The following NBEAL1 variants were observed in gnomAD, a reference collection of about 807,000 sequenced individuals.
NBEAL1 encodes the protein neurobeachin-like protein 1.
A neutral mutation model predicts 351.3 loss-of-function variants in NBEAL1; 273 were observed. The ratio of observed to expected loss-of-function variants is 0.78; its 90% CI spans 0.70 to 0.86. The LOEUF is 0.86. NBEAL1 is among the 40% of genes least tolerant of loss of function. The pLI is 0.00. For missense variants in NBEAL1, 2,961 were observed against 3,201.3 expected, an observed-to-expected ratio of 0.92 and a Z score of 1.81; for synonymous variants, 1,050 against 1,086.4, an observed-to-expected ratio of 0.97 and a Z score of 0.66.
At chr2:203,208,598 GA>G (rs775939734) in intron 51 of NBEAL1, 38 bp from the exon 52 acceptor site, 2 of 1,463,250 alleles carry the variant, frequency 1.4e-6, no homozygotes, top group South Asian at 2.4e-5. Flanking sequence ...CAGGAAACAA[GA>G]AACCACCTTT....
chr2:203,096,655 A>C (rs904697542), intron 10 of NBEAL1, among the ~76,000 whole-genome samples: 1 of 152,240 alleles, frequency 6.6e-6, no homozygotes, highest in African/African-American at 2.4e-5. Context: ...ATGAATATAA[A>C]TGAAGCTCAA....
rs746114647 is a variant in NBEAL1, at chr2:203,138,159, T to C, written c.4566-3T>C. On this transcript the variant is annotated splice_polypyrimidine_tract_variant and splice_region_variant and intron_variant, in intron 29 of 55. Coordinates refer to ENST00000683969, the MANE Select transcript of NBEAL1 (RefSeq NM_001378026.1). Reference sequence around the variant, plus strand: ...TTTTAAGAGGACTTTGTTTTCCATTTAGTTTGCTACAAAAGATGTTAGAAT... The same window carrying C: ...TTTTAAGAGGACTTTGTTTTCCATTCAGTTTGCTACAAAAGATGTTAGAAT... The C allele has an allele frequency of 1.9e-6, 3 of 1,613,036 alleles. No homozygotes were observed. The highest frequency in any genetic ancestry group is 8.5e-7 in the Non-Finnish European group (1 of 1,179,772).
chr2:203,220,055 A>G lies in NBEAL1; in HGVS notation c.*2701A>G, dbSNP rs2065938500. On this transcript the variant is annotated 3_prime_UTR_variant, in exon 56 of 56. Coordinates refer to ENST00000683969, the MANE Select transcript of NBEAL1 (RefSeq NM_001378026.1). ...TAATTGGAAAGAAGTACTTTTGAGAATTCTGGTATATTTAGATGTTACCCA... is the reference window on the plus strand; with the variant it reads ...TAATTGGAAAGAAGTACTTTTGAGAGTTCTGGTATATTTAGATGTTACCCA... Among the ~76,000 whole-genome samples the G allele has an allele frequency of 6.6e-6, 1 of 152,220 alleles. No individual in the cohort carries two copies. Among genetic ancestry groups the G allele is most frequent in the South Asian group, 2.1e-4 (1 of 4,830 alleles).
At chr2:203,119,007 T>C (rs1205862789) in intron 18 of NBEAL1, among the ~76,000 whole-genome samples, 1 of 151,748 alleles carries the variant, frequency 6.6e-6, no homozygotes, top group Non-Finnish European at 1.5e-5. Flanking sequence ...AATTCTATAC[T>C]ACCAAAAAAA....
At chr2:203,132,156 A>G in intron 26 of NBEAL1, 24 bp downstream of exon 26, 2 of 1,348,146 alleles carry the variant, frequency 1.5e-6, no homozygotes, top group Non-Finnish European at 2.0e-6. Flanking sequence ...TAATAAAGCT[A>G]ACATATTTAA....
intron 5 of NBEAL1, 128 bp from the exon 6 acceptor site, chr2:203,057,198 G>A (rs2061418777): frequency 1.2e-5 from 8 of 677,750 alleles, no homozygotes; most frequent in African/African-American, 5.4e-5. Context: ...CTTAGTGGCT[G>A]TATCCAGTCC....
chr2:203,120,736 G>T (rs1226428086), intron 18 of NBEAL1, among the ~76,000 whole-genome samples: 1 of 152,186 alleles, frequency 6.6e-6, no homozygotes, highest in Non-Finnish European at 1.5e-5. Flanking sequence ...TTAAGCTGCA[G>T]TGTGAAAGTT....
At chr2:203,143,520 C>G (rs1277786809) in intron 31 of NBEAL1, among the ~76,000 whole-genome samples, 1 of 145,624 alleles carries the variant, frequency 6.9e-6, no homozygotes, top group Admixed American at 6.6e-5. Flanking sequence ...AGTCAGGGCT[C>G]CAGTTCCATT....
In NBEAL1 at chr2:203,208,661, T is replaced by C. The variant is rs1465600780; in HGVS notation, c.7531T>C (p.Ser2511Pro). The C allele has an allele frequency of 1.2e-6, 2 of 1,611,950 alleles. No homozygotes were observed. Among genetic ancestry groups the C allele is most frequent in the African/African-American group, 1.3e-5 (1 of 74,852 alleles). ...QQGGVPVGLA[S>P]KPFQILYGHT... ...GGGAGGTGTTCCTGTGGGCTTAGCA[T>C]CTAAACCTTTTCAGATTCTTTATGG... The change falls in exon 52 of 56, where the codon TCT becomes CCT. Residue 2511 changes from serine to proline, a missense_variant. Ser to Pro is a moderately conservative substitution (Grantham distance 74). Coordinates refer to ENST00000683969, the MANE Select transcript of NBEAL1 (RefSeq NM_001378026.1).
intron 3 of NBEAL1, among the ~76,000 whole-genome samples, chr2:203,048,882 C>CT (rs71408913): frequency 0.036 from 5,192 of 143,568 alleles, 289 homozygotes; most frequent in African/African-American, 0.12. Context: ...TCTACATTTC[C>CT]TTTTTTTTTT....
At position 203,217,366 on chromosome 2, in the gene NBEAL1, ATTTTCTGT is replaced by A; in HGVS notation, c.*14_*21del. The stretch of plus-strand genomic sequence containing the variant: ...AAGATTCCAAGTGATTGTTATTTCC[ATTTTCTGT>A]TATGATTACTGAAACCTGATTTATT... On this transcript the variant is annotated 3_prime_UTR_variant, in exon 56 of 56. Coordinates refer to ENST00000683969, the MANE Select transcript of NBEAL1 (RefSeq NM_001378026.1). The A allele has an allele frequency of 6.4e-7, 1 of 1,560,686 alleles. No individual in the cohort carries two copies.
chr2:203,034,500 C>T (rs1428233077), intron 2 of NBEAL1, among the ~76,000 whole-genome samples: 8 of 143,270 alleles, frequency 5.6e-5, no homozygotes, highest in African/African-American at 1.8e-4. Flanking sequence ...CTCTTGTTGC[C>T]CAGGCTGGAG....
intron 11 of NBEAL1, among the ~76,000 whole-genome samples, chr2:203,097,902 G>T (rs1229552485): frequency 6.6e-6 from 1 of 152,106 alleles, no homozygotes; most frequent in Non-Finnish European, 1.5e-5. Flanking sequence ...TAAAGTACAG[G>T]AATGGGATCT....
At chr2:203,034,406 C>A (rs1349426783) in intron 2 of NBEAL1, among the ~76,000 whole-genome samples, 1 of 138,436 alleles carries the variant, frequency 7.2e-6, no homozygotes, top group African/African-American at 2.5e-5. Context: ...ATCCGCCCAC[C>A]TTGGCCTCCC....
intron 24 of NBEAL1, 131 bp from the exon 25 acceptor site, chr2:203,130,187 A>C: frequency 1.1e-6 from 1 of 873,070 alleles, no homozygotes; most frequent in Non-Finnish European, 1.6e-6. Flanking sequence ...AAAAGACATC[A>C]TATCAGATAT....
intron 12 of NBEAL1, among the ~76,000 whole-genome samples, chr2:203,105,448 G>A (rs1168720205): frequency 1.3e-5 from 2 of 151,680 alleles, no homozygotes; most frequent in Non-Finnish European, 2.9e-5. Flanking sequence ...CTGGGTGACA[G>A]AGCGAGACTC....
intron 8 of NBEAL1, among the ~76,000 whole-genome samples, chr2:203,082,550 A>T (rs2061892008): frequency 6.6e-6 from 1 of 152,202 alleles, no homozygotes. Flanking sequence ...TTGACATATA[A>T]CTACCAATTA....
rs761275389 is a variant in NBEAL1 at position 203,201,550 on chromosome 2, C to T, written c.7246C>T (p.Arg2416Cys). 1.5e-5 allele frequency: 23 copies of T among 1,576,708 alleles called. No individual in the cohort carries two copies. Among genetic ancestry groups the T allele is most frequent in the Admixed American group, 3.6e-5 (2 of 55,662 alleles). Residue 2416 changes from arginine (R) to cysteine (C), a missense_variant, in exon 50 of 56, where the codon CGC becomes TGC. Coordinates refer to ENST00000683969, the MANE Select transcript of NBEAL1 (RefSeq NM_001378026.1). ...DQTVTNPKTQ[R>C]SINGSFAPGL... Reference sequence around the variant, plus strand: ...ATTTAATTGTGTTTACAGAACTCAGCGCAGTATAAATGGTTCTTTTGCTCC... The same window carrying T: ...ATTTAATTGTGTTTACAGAACTCAGTGCAGTATAAATGGTTCTTTTGCTCC...
At chr2:203,089,000 A>T (rs972402992) in intron 10 of NBEAL1, among the ~76,000 whole-genome samples, 8 of 152,146 alleles carry the variant, frequency 5.3e-5, no homozygotes, top group African/African-American at 1.7e-4. Context: ...ACAAGTTTTC[A>T]GGACAAAACA....
Sources: allele counts gnomAD v4.1 joint callset (sites outside exome capture counted in the v4.1 genomes callset), GRCh38; gene constraint gnomAD v4.1.1; transcripts MANE v1.5; gene names NCBI Gene and HGNC (gene_info 2026-07-23, HGNC 2026-07-21).